NAA25: variants seen among roughly 807,000 people sequenced by gnomAD.
NAA25 encodes the protein N-alpha-acetyltransferase 25, NatB auxiliary subunit, also known as N-terminal acetyltransferase B complex subunit NAA25.
In NAA25, 30 loss-of-function variants were observed where a neutral mutation model predicts 132.5. The ratio of observed to expected loss-of-function variants is 0.23; its 90% CI spans 0.17 to 0.31. The LOEUF is 0.31. Among genes scored for constraint, NAA25 ranks in the 10% least tolerant of loss-of-function variants. NAA25 has a pLI of 1.00. For synonymous variants in NAA25, 359 were observed against 401.9 expected, an observed-to-expected ratio of 0.89 and a Z score of 1.28; for missense variants, 771 against 1,150.4, an observed-to-expected ratio of 0.67 and a Z score of 4.77.
At chr12:112,100,820 C>T (rs765229852) in intron 1 of NAA25, among the ~76,000 whole-genome samples, 21 of 150,894 alleles carry the variant, frequency 1.4e-4, no homozygotes, top group Non-Finnish European at 2.4e-4. Flanking sequence ...GGGGTTTCAC[C>T]GTGTTACCAG....
At chr12:112,093,553 T>C (rs2079168750) in intron 1 of NAA25, among the ~76,000 whole-genome samples, 1 of 151,234 alleles carries the variant, frequency 6.6e-6, no homozygotes, top group South Asian at 2.1e-4. Flanking sequence ...AAAAAAGTAA[T>C]AACACAAAAT....
intron 11 of NAA25, 40 bp downstream of exon 11, chr12:112,068,840 T>C (rs368366227): frequency 5.5e-5 from 62 of 1,124,724 alleles, no homozygotes; most frequent in African/African-American, 1.9e-4. Context: ...TTTCAACAAA[T>C]AGAGGCACCC....
At chr12:112,047,898 G>C (rs578087396) in intron 16 of NAA25, 108 bp from the exon 17 acceptor site, 1 of 1,169,944 alleles carries the variant, frequency 8.5e-7, no homozygotes, top group African/African-American at 1.6e-5. Flanking sequence ...AGGAAGGAAG[G>C]GCTCATAATA....
chr12:112,029,777 G>C (rs536461421), intron 23 of NAA25, 124 bp from the exon 24 acceptor site: 1 of 1,358,940 alleles, frequency 7.4e-7, no homozygotes, highest in African/African-American at 1.5e-5. Context: ...TCAGAACACA[G>C]TGGGTCATTT....
intron 2 of NAA25, among the ~76,000 whole-genome samples, chr12:112,092,411 G>A (rs1171641343): frequency 6.6e-6 from 1 of 152,090 alleles, no homozygotes; most frequent in Non-Finnish European, 1.5e-5. Context: ...GATCACCTGA[G>A]GTCGGGAGTT....
rs760578370 is a variant in NAA25, at chr12:112,099,116, A to C, written c.59-5980T>G. Among the ~76,000 whole-genome samples the C allele has an allele frequency of 1.3e-4, 20 of 151,978 alleles. No individual in the cohort carries two copies. The East Asian group carries it at 3.7e-3, about 28-fold the overall frequency. On this transcript the variant is annotated intron_variant, in intron 1 of 23. Coordinates refer to ENST00000261745, the MANE Select transcript of NAA25 (RefSeq NM_024953.4). ...ATTCTCCTGCCTCAGCCTCCTGAGT[A>C]GCTGGGACTACAGGTGCGCACCACC... is the stretch of plus-strand genomic sequence containing the variant.
chr12:112,033,033 A>G (rs563559561), intron 23 of NAA25, among the ~76,000 whole-genome samples, 200 bp downstream of exon 23: 1 of 152,346 alleles, frequency 6.6e-6, no homozygotes, highest in African/African-American at 2.4e-5. Context: ...AGGAGGACGT[A>G]TGGGGAGAAA....
At chr12:112,032,183 G>A (rs949389069) in intron 23 of NAA25, among the ~76,000 whole-genome samples, 2 of 151,996 alleles carry the variant, frequency 1.3e-5, no homozygotes, top group Admixed American at 1.3e-4. Context: ...AGCCAGGATG[G>A]TCTCCATCTC....
intron 21 of NAA25, 50 bp from the exon 22 acceptor site, chr12:112,039,389 C>G: frequency 8.9e-7 from 1 of 1,118,104 alleles, no homozygotes; most frequent in Non-Finnish European, 1.3e-6. Flanking sequence ...CTAAAAATAT[C>G]TATCAGGAAA....
chr12:112,071,836 A>AAAAT, intron 10 of NAA25, 59 bp downstream of exon 10: 1 of 1,198,000 alleles, frequency 8.3e-7, no homozygotes, highest in South Asian at 1.7e-5. Context: ...CAACTAATGA[A>AAAAT]TATAGCACTT....
chr12:112,071,223 G>C (rs1015842706), intron 10 of NAA25, among the ~76,000 whole-genome samples: 2 of 152,166 alleles, frequency 1.3e-5, no homozygotes, highest in African/African-American at 4.8e-5. Flanking sequence ...TTACGGCCAT[G>C]TTGGCCAGGC....
chr12:112,097,057 G>A (rs1462462671), intron 1 of NAA25, among the ~76,000 whole-genome samples: 1 of 152,070 alleles, frequency 6.6e-6, no homozygotes, highest in East Asian at 1.9e-4. Context: ...CTGCTGAAGG[G>A]GTAGGACTAG....
rs2078121838 is a variant in NAA25, at chr12:112,029,476, G to A, written c.*55C>T. Reference sequence around the variant, plus strand: ...TCAACCAGATGTTGCTTTTGCCTGGGAAGATGGTGTCATATTCTGTTGCAG... The same window carrying A: ...TCAACCAGATGTTGCTTTTGCCTGGAAAGATGGTGTCATATTCTGTTGCAG... On this transcript the variant is annotated 3_prime_UTR_variant, in exon 24 of 24. Transcript: ENST00000261745. The A allele has an allele frequency of 6.8e-6, 11 of 1,608,142 alleles. No homozygotes were observed. The highest frequency in any genetic ancestry group is 9.3e-6 in the Non-Finnish European group (11 of 1,176,850).
intron 4 of NAA25, among the ~76,000 whole-genome samples, chr12:112,085,975 C>T (rs1244947007): frequency 2.6e-5 from 3 of 116,014 alleles, no homozygotes; most frequent in Non-Finnish European, 4.9e-5. Flanking sequence ...CGAGATCATA[C>T]CACTGGATTC....
intron 11 of NAA25, among the ~76,000 whole-genome samples, chr12:112,063,712 C>T (rs1263359774): frequency 6.6e-6 from 1 of 151,890 alleles, no homozygotes; most frequent in Non-Finnish European, 1.5e-5. Context: ...CACAGAAGGG[C>T]ACCAATAGGA....
At chr12:112,071,040 TC>T (rs1266800160) in intron 10 of NAA25, among the ~76,000 whole-genome samples, 1 of 146,714 alleles carries the variant, frequency 6.8e-6, no homozygotes, top group Non-Finnish European at 1.5e-5. Context: ...AGCCACCACA[TC>T]CACCCAATTT....
chr12:112,033,598 TA>T (rs5800936), intron 22 of NAA25: 58,345 of 313,462 alleles, frequency 0.19, 11,088 homozygotes, highest in East Asian at 0.81. Flanking sequence ...AATACTTAAA[TA>T]AAAAAAAATC....
intron 14 of NAA25, 122 bp downstream of exon 14, chr12:112,054,266 A>G: frequency 1.2e-6 from 1 of 858,676 alleles, no homozygotes; most frequent in Non-Finnish European, 1.8e-6. Flanking sequence ...ATGGATCATA[A>G]CAGGTTATTA....
At chr12:112,066,963 C>T (rs923598874) in intron 11 of NAA25, among the ~76,000 whole-genome samples, 1 of 152,170 alleles carries the variant, frequency 6.6e-6, no homozygotes, top group Non-Finnish European at 1.5e-5. Context: ...TCTGGGAGAA[C>T]GGATGATGGC....
Sources: gnomAD v4.1 joint callset for allele counts (sites outside exome capture counted in the v4.1 genomes callset) on GRCh38, gnomAD v4.1.1 for gene constraint, MANE v1.5 for transcripts, NCBI Gene and HGNC (gene_info 2026-07-23, HGNC 2026-07-21) for gene names.